Variants in CROCC observed in about 807,000 individuals in gnomAD.
The protein encoded by CROCC is rootletin.
In CROCC, 180 loss-of-function variants were observed where a neutral mutation model predicts 245.2. The observed-to-expected ratio is 0.73, with a 90% CI of 0.65 to 0.83. CROCC has a LOEUF of 0.83. CROCC is among the 40% of genes least tolerant of loss of function. CROCC has a pLI of 0.00. For synonymous variants in CROCC, 1,205 were observed against 1,241.6 expected (o/e 0.97, Z 0.62); for missense variants, 2,688 against 2,779.4 (o/e 0.97, Z 0.74).
rs570221036 is a variant in CROCC at position 16,926,322 on chromosome 1, G to A, written c.351+1843G>A. 5.9e-5 allele frequency among the ~76,000 whole-genome samples: 9 copies of A among 152,372 alleles called. No individual in the cohort carries two copies. The South Asian group carries it at 6.2e-4, about 11-fold the overall frequency. On this transcript the variant is annotated intron_variant, in intron 3 of 36. Transcript: ENST00000375541. ...CATCACAGATAGGGAAAGTAAGTCC[G>A]GGAGAGGGGCATGATAGGCCCAAGG...
At chr1:16,933,109 T>C (rs1325544842) in intron 8 of CROCC, among the ~76,000 whole-genome samples, 2 of 152,214 alleles carry the variant, frequency 1.3e-5, no homozygotes, top group Non-Finnish European at 2.9e-5. Flanking sequence ...CCACACCTGG[T>C]TTAATAATCT....
At chr1:16,938,589 T>TGG (rs1360641778) in intron 11 of CROCC, 106 bp downstream of exon 11, 7 of 1,110,160 alleles carry the variant, frequency 6.3e-6, no homozygotes, top group Non-Finnish European at 9.1e-6. Context: ...GGTGGGGGCC[T>TGG]GGGACCCAGG....
At position 16,960,942 on chromosome 1, in the gene CROCC, G is replaced by T; in HGVS notation, c.4217G>T (p.Ser1406Ile). The T allele has an allele frequency of 7.0e-7, 1 of 1,430,740 alleles. No individual in the cohort carries two copies. The highest frequency in any genetic ancestry group is 9.1e-7 in the Non-Finnish European group (1 of 1,100,780). 88.6% of individuals were successfully genotyped at this position (1,430,740 alleles called of 1,614,324 possible). A position where few individuals can be genotyped will look rare whatever the true frequency, so the allele number is the denominator to read the frequency against. ...GCTGCAGAGCTGGGCCTGCGGCTGA[G>T]CGCAGCCGAGGGCCGGGCACAAGGC... ...AEAAELGLRL[S>I]AAEGRAQGLE... The change falls in exon 27 of 37, where the codon AGC becomes ATC. Residue 1406 changes from serine to isoleucine, a missense_variant. Around this residue, in one of 9 missense-constraint regions of CROCC, gnomAD observed 1,218 missense variants for 1,286.3 expected, o/e 0.95. Coordinates refer to ENST00000375541, the MANE Select transcript of CROCC (RefSeq NM_014675.5).
chr1:16,915,202 G>C (rs1400554648), intron 1 of CROCC, among the ~76,000 whole-genome samples: 1 of 152,276 alleles, frequency 6.6e-6, no homozygotes, highest in African/African-American at 2.4e-5. Flanking sequence ...GTGTCCTTCC[G>C]TGATCCCCGT....
At position 16,948,373 on chromosome 1, in the gene CROCC, G is replaced by T. The variant is rs1262551741; in HGVS notation, c.2557G>T (p.Ala853Ser). The T allele has an allele frequency of 6.3e-7, 1 of 1,578,540 alleles. No individual in the cohort carries two copies. Among genetic ancestry groups the T allele is most frequent in the African/African-American group, 1.3e-5 (1 of 74,766 alleles). The change falls in exon 18 of 37, where the codon GCC (alanine) becomes TCC (serine). Residue 853 changes from alanine to serine, a missense_variant. Physicochemically the swap from Ala to Ser is moderately conservative, Grantham distance 99. Around this residue, in one of 9 missense-constraint regions of CROCC, gnomAD observed 295 missense variants for 241.7 expected, o/e 1.22. Coordinates refer to ENST00000375541, the MANE Select transcript of CROCC (RefSeq NM_014675.5). ...CGGGCGGGAGCAGGAGCTGGAGCAG[G>T]CCCGGCGGGAGGCCCAGCGGCAAGT... is the stretch of plus-strand genomic sequence containing the variant. ...LSGREQELEQARREAQRQVEA... is the reference protein window; with the variant it reads ...LSGREQELEQSRREAQRQVEA...
At chr1:16,922,411 T>G (rs1423676290) in intron 1 of CROCC, among the ~76,000 whole-genome samples, 1 of 152,268 alleles carries the variant, frequency 6.6e-6, no homozygotes, top group African/African-American at 2.4e-5. Context: ...CTGGACTGCC[T>G]CCAGTGGGGT....
At position 16,954,496 on chromosome 1, in the gene CROCC, G is replaced by T; in HGVS notation, c.3321+139G>T. 7.7e-7 allele frequency: 1 copy of T among 1,306,778 alleles called. No individual in the cohort carries two copies. The highest frequency in any genetic ancestry group is 1.0e-6 in the Non-Finnish European group (1 of 968,858). 80.9% of individuals were successfully genotyped at this position (1,306,778 alleles called of 1,614,324 possible). A position where few individuals can be genotyped will look rare whatever the true frequency, so the allele number is the denominator to read the frequency against. On this transcript the variant is annotated intron_variant, in intron 22 of 36. Transcript: ENST00000375541. This position sits in a 1 kb window ranked among gnomAD's most constrained non-coding sequence, Gnocchi z 4.4. ...GAAAGGAGGTTTAGCCCTTCTTTTG[G>T]GAGCCCCCATCTGAGGGAGGTGGCT...
At chr1:16,926,868 A>T (rs1185757619) in intron 3 of CROCC, among the ~76,000 whole-genome samples, 1 of 152,286 alleles carries the variant, frequency 6.6e-6, no homozygotes, top group Non-Finnish European at 1.5e-5. Context: ...TCTCTGGCTT[A>T]GTGGCAGCCT....
At position 16,966,436 on chromosome 1, in the gene CROCC, C is replaced by T. The variant is rs370300552; in HGVS notation, c.4725C>T (p.Ser1575=). 34 of 1,536,642 alleles carry T rather than the reference C, an allele frequency of 2.2e-5. No individual in the cohort carries two copies. Among genetic ancestry groups the T allele is most frequent in the Admixed American group, 5.9e-5 (3 of 50,576 alleles). ...GGCGCAGTGTGGATGGGCGGCTGAG[C>T]GGGGTCCAGGCGGAGCTGGCGCTGC... The part of the protein sequence containing the change: ...EARRSVDGRL[S]GVQAELALQE... The change falls in exon 30 of 37, where the codon AGC becomes AGT. Residue 1575 remains serine (S), a synonymous_variant. Transcript: ENST00000375541. The surrounding 1 kb of genome is among the most constrained non-coding windows in gnomAD (Gnocchi z 4.8).
At chr1:16,921,310 C>T (rs1411681480), upstream of CROCC, among the ~76,000 whole-genome samples, 2 of 152,284 alleles carry the variant, frequency 1.3e-5, no homozygotes, top group African/African-American at 4.8e-5. Context: ...CCAATAAGTG[C>T]CTGAAGGGCA....
In CROCC at chr1:16,965,873, G is replaced by T; in HGVS notation, c.4556G>T (p.Arg1519Leu). 1 of 1,613,512 alleles carries T rather than the reference G, an allele frequency of 6.2e-7. No homozygotes were observed. Among genetic ancestry groups the T allele is most frequent in the Non-Finnish European group, 8.5e-7 (1 of 1,179,956 alleles). Residue 1519 changes from arginine to leucine, a missense_variant, in exon 28 of 37, where the codon CGG (arginine) becomes CTG (leucine). Physicochemically the swap from Arg to Leu is moderately radical, Grantham distance 102 (BLOSUM62 -2). Transcript: ENST00000375541. Reference sequence around the variant, plus strand: ...CTCCGGGAATTCCTGCAAGAGCTGCGGAGTGCCCAGAGAGAACGGGTAAGC... The same window carrying T: ...CTCCGGGAATTCCTGCAAGAGCTGCTGAGTGCCCAGAGAGAACGGGTAAGC... ...GALREFLQEL[R>L]SAQRERDELR...
intron 7 of CROCC, among the ~76,000 whole-genome samples, chr1:16,930,807 C>G (rs6682155): frequency 3.3e-4 from 51 of 152,276 alleles, no homozygotes; most frequent in African/African-American, 1.2e-3. Flanking sequence ...CTCATGATAA[C>G]TGCATGTGGT....
In CROCC at chr1:16,966,505, G is replaced by C. The variant is rs768125363; in HGVS notation, c.4794G>C (p.Thr1598=). ...GCAGTGAGCGGGAGCGCCGGGCCAC[G>C]CTGGACCAGGTGGCCACACTGGAGA... ...VRRSERERRA[T]LDQVATLERS... is the part of the protein sequence containing the mutation. Residue 1598 remains threonine (T), a synonymous_variant, in exon 30 of 37, where the codon ACG becomes ACC. Coordinates refer to ENST00000375541, the MANE Select transcript of CROCC (RefSeq NM_014675.5). The surrounding 1 kb of genome is among the most constrained non-coding windows in gnomAD (Gnocchi z 4.8). The C allele has an allele frequency of 2.2e-5, 34 of 1,529,570 alleles. No individual in the cohort carries two copies. The South Asian group carries it at 3.7e-4, about 17-fold the overall frequency. The allele number at this position is 1,529,570 out of a possible 1,614,324, so 94.7% of individuals were successfully genotyped here.
chr1:16,957,374 T>G (rs1289810053), intron 25 of CROCC, among the ~76,000 whole-genome samples: 1 of 151,748 alleles, frequency 6.6e-6, no homozygotes, highest in African/African-American at 2.4e-5. Context: ...ATCACCGCAC[T>G]CCAGCCTGGG....
intron 17 of CROCC, among the ~76,000 whole-genome samples, 199 bp downstream of exon 17, chr1:16,947,190 G>A (rs2076068485): frequency 6.6e-6 from 1 of 152,272 alleles, no homozygotes; most frequent in African/African-American, 2.4e-5. Flanking sequence ...CTATAACATG[G>A]GGCCAGCCAG....
Position 16,970,710 on chromosome 1 carries a change from C to A in CROCC, c.5727C>A (p.Thr1909=). 1 of 1,605,132 alleles carries A rather than the reference C, an allele frequency of 6.2e-7. No homozygotes were observed. The highest frequency in any genetic ancestry group is 8.5e-7 in the Non-Finnish European group (1 of 1,176,360). ...CAGAGAAGGGCCGCCTGGACCGCAC[C>A]CTCACGGGGGCTGAGCTGGAGCTGG... ...LSAEKGRLDR[T]LTGAELELAE... The change falls in exon 35 of 37, where the codon ACC becomes ACA. Residue 1909 remains threonine, a synonymous_variant. Coordinates refer to ENST00000375541, the MANE Select transcript of CROCC (RefSeq NM_014675.5).
At chr1:16,919,167 T>C (rs1028198066), upstream of CROCC, among the ~76,000 whole-genome samples, 2 of 152,292 alleles carry the variant, frequency 1.3e-5, no homozygotes, top group Non-Finnish European at 2.9e-5. Context: ...CGGTCCAGCC[T>C]GGACTGATGA....
chr1:16,970,876 C>A, intron 35 of CROCC, 109 bp downstream of exon 35: 1 of 1,330,000 alleles, frequency 7.5e-7, no homozygotes, highest in Non-Finnish European at 9.9e-7. Flanking sequence ...CCCCCTCCCC[C>A]AGGAGCCCTG....
At chr1:16,920,807 G>A (rs2075388063), upstream of CROCC, among the ~76,000 whole-genome samples, 1 of 151,232 alleles carries the variant, frequency 6.6e-6, no homozygotes, top group Non-Finnish European at 1.5e-5. Flanking sequence ...GCAATGGCGC[G>A]ATCTTGGCTC....
Sources: gnomAD v4.1 joint callset for allele counts (sites outside exome capture counted in the v4.1 genomes callset) on GRCh38, gnomAD v4.1.1 for gene constraint, gnomAD v4.1.1 regional missense constraint, Gnocchi (gnomAD v3.1) non-coding constraint, MANE v1.5 for transcripts, NCBI Gene and HGNC (gene_info 2026-07-23, HGNC 2026-07-21) for gene names.